The following GALNTL6 variants were observed in gnomAD, a reference collection of about 807,000 sequenced individuals.
The protein encoded by GALNTL6 is polypeptide N-acetylgalactosaminyltransferase like 6, also known as polypeptide N-acetylgalactosaminyltransferase-like 6.
Under a neutral mutation model 73.7 loss-of-function variants are expected in GALNTL6, and 46 were observed. That is an observed-to-expected ratio of 0.62 (90% CI 0.49 to 0.80). The LOEUF (loss-of-function observed/expected upper bound fraction) is 0.80, where lower values mean the gene tolerates loss of function less well. Ranked by LOEUF, GALNTL6 falls within the 30% of genes least tolerant of loss-of-function variation. The pLI, the probability that GALNTL6 is intolerant of heterozygous loss-of-function variation, is 0.00. For synonymous variants in GALNTL6, 259 were observed against 263.7 expected, an observed-to-expected ratio of 0.98 and a Z score of 0.17; for missense variants, 604 against 755.0, an observed-to-expected ratio of 0.80 and a Z score of 2.34.
chr4:172,200,731 A>G (rs183412728), intron 2 of GALNTL6, among the ~76,000 whole-genome samples: 18 of 152,368 alleles, frequency 1.2e-4, no homozygotes. Flanking sequence ...CCAGTGAACC[A>G]TAGGCAGTAA....
chr4:172,728,856 C>T (rs1259392372), intron 5 of GALNTL6, among the ~76,000 whole-genome samples: 2 of 152,170 alleles, frequency 1.3e-5, no homozygotes, highest in African/African-American at 2.4e-5. Context: ...ATGAAGGTTG[C>T]CCTTTCTCCA....
chr4:171,978,221 A>T (rs1340266335), intron 2 of GALNTL6, among the ~76,000 whole-genome samples: 2 of 151,820 alleles, frequency 1.3e-5, no homozygotes, highest in African/African-American at 4.9e-5. Flanking sequence ...ACCATTTTAA[A>T]ATATTCTAGG....
intron 8 of GALNTL6, among the ~76,000 whole-genome samples, chr4:172,904,718 G>T (rs1183715652): frequency 6.6e-6 from 1 of 151,614 alleles, no homozygotes; most frequent in East Asian, 1.9e-4. Flanking sequence ...CATCTCCCAG[G>T]CCCAGTATTA....
intron 5 of GALNTL6, among the ~76,000 whole-genome samples, chr4:172,519,811 G>A (rs1340960334): frequency 6.6e-6 from 1 of 151,440 alleles, no homozygotes; most frequent in Non-Finnish European, 1.5e-5. Flanking sequence ...TTCAGTTCTT[G>A]ATGACCTGTG....
At chr4:171,891,367 C>T (rs191858632) in intron 2 of GALNTL6, among the ~76,000 whole-genome samples, 114 of 152,248 alleles carry the variant, frequency 7.5e-4, no homozygotes, top group African/African-American at 2.6e-3. Context: ...ATGTTTCATT[C>T]TCACACCTGG....
chr4:172,488,744 C>T (rs1054325295), intron 5 of GALNTL6, among the ~76,000 whole-genome samples: 5 of 151,040 alleles, frequency 3.3e-5, no homozygotes, highest in Non-Finnish European at 7.4e-5. Context: ...TTGATAGAAG[C>T]GTCAAAGAAT....
At chr4:172,440,223 T>C (rs1023555090) in intron 5 of GALNTL6, among the ~76,000 whole-genome samples, 1 of 152,030 alleles carries the variant, frequency 6.6e-6, no homozygotes, top group African/African-American at 2.4e-5. Context: ...TTACCTAACC[T>C]TGGAAAAACC....
At chr4:172,118,287 G>A (rs929227890) in intron 2 of GALNTL6, among the ~76,000 whole-genome samples, 1 of 152,038 alleles carries the variant, frequency 6.6e-6, no homozygotes, top group Non-Finnish European at 1.5e-5. Flanking sequence ...AAAGGCTGTA[G>A]GTTACTGTCA....
chr4:171,966,966 C>T lies in GALNTL6; in HGVS notation c.138+152248C>T, dbSNP rs190848340. ...ATTTAAGAAATTTTAAAACAATAGCCTAATATAAGATACTCCAAATAGCTC... is the reference window on the plus strand; with the variant it reads ...ATTTAAGAAATTTTAAAACAATAGCTTAATATAAGATACTCCAAATAGCTC... On this transcript the variant is annotated intron_variant, in intron 2 of 12. Transcript: ENST00000506823. Among the ~76,000 whole-genome samples the T allele has an allele frequency of 3.2e-3, 483 of 152,070 alleles. 2 individuals are homozygous for T. The highest frequency in any genetic ancestry group is 5.9e-3 in the Non-Finnish European group (398 of 67,992).
At chr4:171,970,627 T>C (rs952751906) in intron 2 of GALNTL6, among the ~76,000 whole-genome samples, 16 of 152,192 alleles carry the variant, frequency 1.1e-4, no homozygotes, top group Non-Finnish European at 1.2e-4. Flanking sequence ...CAATACTTTA[T>C]ATGTTTTGAG....
intron 2 of GALNTL6, among the ~76,000 whole-genome samples, chr4:171,936,717 G>T (rs1738359988): frequency 6.6e-6 from 1 of 151,974 alleles, no homozygotes; most frequent in South Asian, 2.1e-4. Context: ...GATGAACAAT[G>T]GACATATATC....
intron 5 of GALNTL6, among the ~76,000 whole-genome samples, chr4:172,474,038 C>G (rs1170045568): frequency 6.6e-6 from 1 of 152,106 alleles, no homozygotes; most frequent in Admixed American, 6.6e-5. Context: ...GCTTTTCTAC[C>G]AGTTTTTCCC....
At chr4:171,846,846 T>C (rs1260381950) in intron 2 of GALNTL6, among the ~76,000 whole-genome samples, 1 of 146,520 alleles carries the variant, frequency 6.8e-6, no homozygotes, top group East Asian at 1.9e-4. Flanking sequence ...ATAAATATAT[T>C]TATATATAAT....
Position 172,164,692 on chromosome 4 carries a change from A to G in GALNTL6, c.139-64964A>G, listed in dbSNP as rs565668849. ...TTCTATTTTCAGTTAATGTCCCAAC[A>G]ATCAAATTTTGTTCAAGTACTTGGA... On this transcript the variant is annotated intron_variant, in intron 2 of 12. Transcript: ENST00000506823. 1.2e-3 allele frequency among the ~76,000 whole-genome samples: 178 copies of G among 152,156 alleles called. 1 individual carries two copies. The highest frequency in any genetic ancestry group is 4.1e-3 in the African/African-American group (172 of 41,552).
intron 5 of GALNTL6, among the ~76,000 whole-genome samples, chr4:172,389,337 T>A (rs1333634427): frequency 6.6e-6 from 1 of 151,980 alleles, no homozygotes; most frequent in Admixed American, 6.6e-5. Flanking sequence ...AGACTAGAAA[T>A]CATTGATGTA....
intron 5 of GALNTL6, among the ~76,000 whole-genome samples, chr4:172,584,809 G>T (rs746579997): frequency 6.6e-6 from 1 of 152,106 alleles, no homozygotes; most frequent in Non-Finnish European, 1.5e-5. Context: ...AGAGGTTTGG[G>T]AATTCTTCTC....
chr4:172,503,258 A>T (rs909304346), intron 5 of GALNTL6, among the ~76,000 whole-genome samples: 1 of 152,084 alleles, frequency 6.6e-6, no homozygotes, highest in Non-Finnish European at 1.5e-5. Context: ...CATCTATGGA[A>T]GCAAAATACC....
chr4:172,366,183 A>G (rs1209225314), intron 5 of GALNTL6, among the ~76,000 whole-genome samples: 1 of 151,700 alleles, frequency 6.6e-6, no homozygotes, highest in Non-Finnish European at 1.5e-5. Flanking sequence ...GTTTTCTGAT[A>G]CATTTTTTAC....
chr4:172,958,007 GT>G (rs1424880845), intron 10 of GALNTL6, among the ~76,000 whole-genome samples: 1 of 152,180 alleles, frequency 6.6e-6, no homozygotes, highest in Non-Finnish European at 1.5e-5. Context: ...TGGGGGTCAG[GT>G]GTGGTATCAG....
Sources: gnomAD v4.1 joint callset for allele counts (sites outside exome capture counted in the v4.1 genomes callset) on GRCh38, gnomAD v4.1.1 for gene constraint, MANE v1.5 for transcripts, NCBI Gene and HGNC (gene_info 2026-07-23, HGNC 2026-07-21) for gene names.